The following EPB41L3 variants were observed in gnomAD, a reference collection of about 807,000 sequenced individuals.
EPB41L3 encodes the protein band 4.1-like protein 3.
Under a neutral mutation model 127.1 loss-of-function variants are expected in EPB41L3, and 57 were observed. The observed-to-expected ratio is 0.45, with a 90% CI of 0.36 to 0.56. The LOEUF (loss-of-function observed/expected upper bound fraction) is 0.56. Ranked by LOEUF, EPB41L3 falls within the 20% of genes least tolerant of loss-of-function variation. The probability of loss-of-function intolerance (pLI) is 0.00; values close to 1 mark genes in which losing one functional copy is unlikely to be tolerated. For missense variants in EPB41L3, 1,273 were observed against 1,372.2 expected (o/e 0.93, Z 1.14); for synonymous variants, 572 against 549.5 (o/e 1.04, Z -0.57).
intron 3 of EPB41L3, among the ~76,000 whole-genome samples, chr18:5,607,237 A>T (rs970243712): frequency 6.6e-6 from 1 of 152,138 alleles, no homozygotes; most frequent in African/African-American, 2.4e-5. Context: ...CTCTGGAGTC[A>T]GATAGAAGAT....
intron 15 of EPB41L3, chr18:5,407,440 T>C (rs548491444): frequency 3.7e-6 from 2 of 537,386 alleles, no homozygotes; most frequent in South Asian, 2.7e-5. Flanking sequence ...TACCAACCTC[T>C]AACATAAGAT....
At chr18:5,416,518 A>C in intron 12 of EPB41L3, 140 bp from the exon 13 acceptor site, 5 of 840,948 alleles carry the variant, frequency 5.9e-6, no homozygotes, top group Non-Finnish European at 8.9e-6. Flanking sequence ...AGGGTTGCTC[A>C]TGAATGTTAA....
intron 12 of EPB41L3, 37 bp downstream of exon 12, chr18:5,419,674 C>T (rs769106148): frequency 1.2e-6 from 2 of 1,610,950 alleles, no homozygotes; most frequent in Admixed American, 1.7e-5. Context: ...TTCTTAAAAG[C>T]TGGAGCAAGC....
intron 3 of EPB41L3, among the ~76,000 whole-genome samples, chr18:5,451,967 T>C (rs1187235312): frequency 6.6e-6 from 1 of 152,150 alleles, no homozygotes; most frequent in Non-Finnish European, 1.5e-5. Context: ...GCCTCCCAAG[T>C]AGCTGGGATT....
chr18:5,629,310 G>A (rs796990669), upstream of EPB41L3, among the ~76,000 whole-genome samples: 3 of 152,074 alleles, frequency 2.0e-5, no homozygotes, highest in African/African-American at 7.2e-5. Flanking sequence ...GCAGCTGCGC[G>A]CAGCTGGCGG....
chr18:5,403,486 A>G (rs1002926631), intron 16 of EPB41L3, among the ~76,000 whole-genome samples: 13 of 152,054 alleles, frequency 8.5e-5, no homozygotes, highest in Middle Eastern at 3.4e-3. Context: ...TATTATAACA[A>G]TTTAACTACT....
chr18:5,429,954 G>A (rs2078752404), intron 8 of EPB41L3, among the ~76,000 whole-genome samples: 1 of 152,182 alleles, frequency 6.6e-6, no homozygotes, highest in South Asian at 2.1e-4. Context: ...CAGGAACGAG[G>A]ACGCACTGCC....
chr18:5,577,271 C>A, intron 3 of EPB41L3: 1 of 423,462 alleles, frequency 2.4e-6, no homozygotes, highest in Non-Finnish European at 4.6e-6. Flanking sequence ...GAGTTATAAT[C>A]ACTAACAATG....
At chr18:5,456,944 G>A (rs2083182728) in intron 3 of EPB41L3, among the ~76,000 whole-genome samples, 1 of 152,346 alleles carries the variant, frequency 6.6e-6, no homozygotes, top group African/African-American at 2.4e-5. Context: ...GGAGCAGCAG[G>A]GAGGCGCGCT....
intron 9 of EPB41L3, 152 bp from the exon 10 acceptor site, chr18:5,424,511 C>G: frequency 1.8e-6 from 1 of 547,892 alleles, no homozygotes; most frequent in Admixed American, 3.7e-5. Flanking sequence ...TATACAGATT[C>G]ATTTGTTAAT....
chr18:5,396,950 G>C, intron 18 of EPB41L3, 108 bp downstream of exon 18: 2 of 1,171,516 alleles, frequency 1.7e-6, no homozygotes, highest in Non-Finnish European at 2.4e-6. Flanking sequence ...ACTATACATG[G>C]GAGAGGCAGA....
At chr18:5,483,746 AG>A (rs886572892) in intron 2 of EPB41L3, among the ~76,000 whole-genome samples, 2 of 152,118 alleles carry the variant, frequency 1.3e-5, no homozygotes, top group Admixed American at 6.5e-5. Flanking sequence ...ATAATGATAA[AG>A]GGGACAATTC....
chr18:5,419,172 CTT>C (rs1157293551), intron 12 of EPB41L3, among the ~76,000 whole-genome samples: 1 of 152,180 alleles, frequency 6.6e-6, no homozygotes, highest in African/African-American at 2.4e-5. Context: ...GCCAAATTCC[CTT>C]TTTATCTCCT....
At chr18:5,557,465 C>T (rs2094055519) in intron 3 of EPB41L3, among the ~76,000 whole-genome samples, 1 of 152,098 alleles carries the variant, frequency 6.6e-6, no homozygotes, top group African/African-American at 2.4e-5. Flanking sequence ...CCCACCCCAA[C>T]CCTCCGCCTC....
At chr18:5,393,578 G>A (rs1009297574) in intron 22 of EPB41L3, 100 bp from the exon 23 acceptor site, 16 of 669,116 alleles carry the variant, frequency 2.4e-5, no homozygotes, top group South Asian at 6.5e-5. Context: ...TAGAATGCTC[G>A]TTTGGACAAG....
At chr18:5,601,952 T>C (rs955526773) in intron 3 of EPB41L3, among the ~76,000 whole-genome samples, 1 of 152,168 alleles carries the variant, frequency 6.6e-6, no homozygotes, top group African/African-American at 2.4e-5. Context: ...AGGTGATTTT[T>C]TGAAAAGAAA....
At chr18:5,490,923 C>G (rs1192299872) in intron 1 of EPB41L3, among the ~76,000 whole-genome samples, 1 of 152,180 alleles carries the variant, frequency 6.6e-6, no homozygotes, top group Non-Finnish European at 1.5e-5. Context: ...GGTTTAGAAA[C>G]AGAGATTCAT....
intron 3 of EPB41L3, among the ~76,000 whole-genome samples, chr18:5,572,916 T>C (rs1414343971): frequency 4.6e-5 from 7 of 152,158 alleles, no homozygotes; most frequent in African/African-American, 1.4e-4. Context: ...AGGACACCCA[T>C]GCCCTCTCCC....
chr18:5,610,836 T>A (rs1332344089), intron 3 of EPB41L3, among the ~76,000 whole-genome samples: 1 of 152,178 alleles, frequency 6.6e-6, no homozygotes, highest in Non-Finnish European at 1.5e-5. Context: ...GAAAAATAAT[T>A]AACATGTCAT....
Sources: gnomAD v4.1 joint callset for allele counts (sites outside exome capture counted in the v4.1 genomes callset) on GRCh38, gnomAD v4.1.1 for gene constraint, MANE v1.5 for transcripts, NCBI Gene and HGNC (gene_info 2026-07-23, HGNC 2026-07-21) for gene names.